The following MYO19 variants were observed in gnomAD, a reference collection of about 807,000 sequenced individuals.
MYO19 encodes myosin XIX, also known as unconventional myosin-XIX.
A neutral mutation model predicts 129.2 loss-of-function variants in MYO19; 132 were observed. The observed-to-expected ratio is 1.02, with a 90% CI of 0.89 to 1.18. The LOEUF (loss-of-function observed/expected upper bound fraction) is 1.18, where lower values mean the gene tolerates loss of function less well. MYO19 is among the 50% of genes most tolerant of loss of function. MYO19 has a pLI of 0.00. For synonymous variants in MYO19, 531 were observed against 477.2 expected, an observed-to-expected ratio of 1.11 and a Z score of -1.47; for missense variants, 1,210 against 1,216.7, an observed-to-expected ratio of 0.99 and a Z score of 0.08.
intron 17 of MYO19, 175 bp downstream of exon 17, chr17:36,506,788 C>T (rs1359196243): frequency 1.9e-6 from 2 of 1,071,170 alleles, no homozygotes; most frequent in Admixed American, 6.2e-5. Context: ...TATCTCCAGG[C>T]AGGTCATGCT....
At chr17:36,527,933 G>A (rs1053844713) in intron 4 of MYO19, 131 bp downstream of exon 4, 2 of 1,327,746 alleles carry the variant, frequency 1.5e-6, no homozygotes, top group African/African-American at 1.5e-5. Flanking sequence ...GCGGAGGTCT[G>A]GAGCAGCCCA....
chr17:36,503,046 T>C, intron 21 of MYO19, 51 bp downstream of exon 21: 1 of 1,455,660 alleles, frequency 6.9e-7, no homozygotes, highest in Non-Finnish European at 9.7e-7. Context: ...ACAGGGTAGA[T>C]GCTCAGTAAA....
intron 17 of MYO19, 89 bp from the exon 18 acceptor site, chr17:36,506,697 G>T (rs1245498860): frequency 6.9e-7 from 1 of 1,438,858 alleles, no homozygotes; most frequent in Non-Finnish European, 9.3e-7. Context: ...AGATGACGGG[G>T]CTTCCAGGTA....
chr17:36,496,646 G>A (rs575614210), intron 25 of MYO19, among the ~76,000 whole-genome samples: 45 of 152,276 alleles, frequency 3.0e-4, no homozygotes, highest in African/African-American at 1.1e-3. Flanking sequence ...AAAGCCAGAA[G>A]GGCAAAACAT....
rs763249250 is a variant in MYO19, at chr17:36,515,175, C to T, written c.555G>A (p.Ala185=). 24 of 1,612,548 alleles carry T rather than the reference C, an allele frequency of 1.5e-5. No individual in the cohort carries two copies. The highest frequency in any genetic ancestry group is 1.1e-4 in the South Asian group (10 of 90,622). Reference sequence around the variant, plus strand: ...TGCTGTTGTTATTCCTCAGTGTACACGCATTCCCTACAGATCACACCTATG... The same window carrying T: ...TGCTGTTGTTATTCCTCAGTGTACATGCATTCCCTACAGATCACACCTATG... ...SNPVMEAFGN[A]CTLRNNNSSR... The change falls in exon 8 of 26, where the codon GCG becomes GCA. Residue 185 remains alanine, a synonymous_variant. Coordinates refer to ENST00000614623, the MANE Select transcript of MYO19 (RefSeq NM_001163735.2).
At chr17:36,503,301 A>C in intron 20 of MYO19, 101 bp from the exon 21 acceptor site, 1 of 956,854 alleles carries the variant, frequency 1.0e-6, no homozygotes, top group Non-Finnish European at 1.7e-6. Flanking sequence ...CTGCTCAACA[A>C]CACAGCACGG....
At position 36,509,321 on chromosome 17, in the gene MYO19, C is replaced by A. The variant is rs558941887; in HGVS notation, c.1158-186G>T. Reference sequence around the variant, plus strand: ...CGTCTTGACCTACTACAGATGCAGGCTATGGGCATGCATGTTGCCAGGTAC... The same window carrying A: ...CGTCTTGACCTACTACAGATGCAGGATATGGGCATGCATGTTGCCAGGTAC... On this transcript the variant is annotated intron_variant, in intron 13 of 25. Coordinates refer to ENST00000614623, the MANE Select transcript of MYO19 (RefSeq NM_001163735.2). The A allele has an allele frequency of 4.9e-6, 3 of 616,638 alleles. No homozygotes were observed. The African/African-American group carries it at 5.5e-5, about 11-fold the overall frequency. 38.2% of individuals were successfully genotyped at this position (616,638 alleles called of 1,614,324 possible).
intron 14 of MYO19, chr17:36,508,406 C>T (rs72818344): frequency 0.059 from 9,227 of 155,978 alleles, 386 homozygotes; most frequent in East Asian, 0.18. Context: ...TAGTTACAAC[C>T]GTGTTGACCT....
intron 4 of MYO19, 68 bp from the exon 5 acceptor site, chr17:36,527,767 C>G: frequency 1.3e-6 from 2 of 1,498,516 alleles, no homozygotes; most frequent in South Asian, 2.6e-5. Flanking sequence ...AGACACACAT[C>G]TACTTAAGTA....
intron 4 of MYO19, 37 bp from the exon 5 acceptor site, chr17:36,527,736 A>G (rs770140964): frequency 6.9e-6 from 11 of 1,591,024 alleles, no homozygotes; most frequent in Non-Finnish European, 8.6e-6. Flanking sequence ...TCGGGCTCAA[A>G]TATAGTCAAA....
intron 21 of MYO19, among the ~76,000 whole-genome samples, chr17:36,502,148 G>A (rs1215015574): frequency 6.6e-6 from 1 of 152,176 alleles, no homozygotes. Flanking sequence ...GTCCTGCCGA[G>A]GCGGGGCCCC....
upstream of MYO19, chr17:36,537,108 G>A (rs778073829): frequency 1.9e-6 from 3 of 1,584,828 alleles, no homozygotes; most frequent in Admixed American, 5.6e-5. Flanking sequence ...AAAAATGTCT[G>A]AAAAGCAGAT....
chr17:36,529,063 A>G (rs2073668767), intron 3 of MYO19, among the ~76,000 whole-genome samples: 1 of 151,982 alleles, frequency 6.6e-6, no homozygotes. Flanking sequence ...CCTTGGCCCG[A>G]GTCTGCTTGA....
chr17:36,518,489 GAAAAAAAAAAAAAAAAAAAAA>G (rs1165317347), intron 6 of MYO19, among the ~76,000 whole-genome samples: 62 of 24,058 alleles, frequency 2.6e-3, no homozygotes, highest in East Asian at 0.014. Flanking sequence ...GATCTCAGAG[GAAAAAAAAAAAAAAAAAAAAA>G]AAAAAAAAAA....
At chr17:36,530,009 G>A (rs1037558242) in intron 3 of MYO19, among the ~76,000 whole-genome samples, 8 of 152,110 alleles carry the variant, frequency 5.3e-5, no homozygotes, top group East Asian at 1.9e-4. Context: ...TGATTGTACC[G>A]CTGCACTCTA....
chr17:36,513,797 G>C (rs530602318), intron 9 of MYO19, 72 bp from the exon 10 acceptor site: 1 of 1,372,822 alleles, frequency 7.3e-7, no homozygotes, highest in South Asian at 1.2e-5. Context: ...GGCAGGCATG[G>C]GGTTGGGATA....
chr17:36,528,470 T>C (rs924063855), intron 3 of MYO19, among the ~76,000 whole-genome samples: 3 of 149,630 alleles, frequency 2.0e-5, no homozygotes, highest in Admixed American at 6.7e-5. Flanking sequence ...AACATTGTGC[T>C]ACTGCACTCC....
In MYO19 at chr17:36,496,332, G is replaced by A. The variant is rs770802982; in HGVS notation, c.2832C>T (p.Ser944=). The change falls in exon 26 of 26, where the codon AGC becomes AGT. Residue 944 remains serine, a synonymous_variant. Transcript: ENST00000614623. Reference sequence around the variant, plus strand: ...GCAGAATCTGATTAAAGCCTGTAATGCTGTAGGGTGAAGGTTCAGGGCAGA... The same window carrying A: ...GCAGAATCTGATTAAAGCCTGTAATACTGTAGGGTGAAGGTTCAGGGCAGA... ...ADICPEPSPY[S]ITGFNQILLE... The A allele has an allele frequency of 2.5e-5, 40 of 1,613,884 alleles. No individual in the cohort carries two copies. In the Admixed American group the frequency reaches 6.7e-4, roughly 27 times the overall value.
intron 6 of MYO19, 36 bp downstream of exon 6, chr17:36,525,192 T>A (rs760492122): frequency 6.7e-7 from 1 of 1,498,540 alleles, no homozygotes; most frequent in Admixed American, 1.7e-5. Context: ...ACCCAGCCAG[T>A]CGTGAGTTGA....
Sources: allele counts gnomAD v4.1 joint callset (sites outside exome capture counted in the v4.1 genomes callset), GRCh38; gene constraint gnomAD v4.1.1; transcripts MANE v1.5; gene names NCBI Gene and HGNC (gene_info 2026-07-23, HGNC 2026-07-21).